Variants in PDXK observed in about 807,000 individuals in gnomAD.
The protein encoded by PDXK is pyridoxal kinase.
Under a neutral mutation model 43.2 loss-of-function variants are expected in PDXK, and 15 were observed. That is an observed-to-expected ratio of 0.35 (90% CI 0.23 to 0.53). PDXK has a LOEUF of 0.53. Among genes scored for constraint, PDXK ranks in the 20% least tolerant of loss-of-function variants. The pLI is 0.92. For missense variants in PDXK, 343 were observed against 417.0 expected, an observed-to-expected ratio of 0.82 and a Z score of 1.54; for synonymous variants, 172 against 165.4, an observed-to-expected ratio of 1.04 and a Z score of -0.31.
intron 7 of PDXK, among the ~76,000 whole-genome samples, chr21:43,752,047 C>T (rs1179866630): frequency 6.6e-6 from 1 of 152,178 alleles, no homozygotes; most frequent in Admixed American, 6.5e-5. Context: ...TCAGCTGACC[C>T]TGGAGCAGGG....
chr21:43,747,501 G>A (rs2083658986), intron 5 of PDXK, among the ~76,000 whole-genome samples: 2 of 152,210 alleles, frequency 1.3e-5, no homozygotes, highest in African/African-American at 4.8e-5. Context: ...TCTGTCACTG[G>A]GCATCTAACT....
At chr21:43,722,389 C>T (rs1376030657) in intron 1 of PDXK, among the ~76,000 whole-genome samples, 1 of 152,232 alleles carries the variant, frequency 6.6e-6, no homozygotes, top group African/African-American at 2.4e-5. Context: ...GCCCTCAGGG[C>T]AGCCTCCCAA....
Position 43,754,818 on chromosome 21 carries a change from C to T in PDXK, c.760-880C>T, listed in dbSNP as rs113535302. Among the ~76,000 whole-genome samples the T allele has an allele frequency of 4.5e-3, 689 of 152,184 alleles. 5 individuals carry two copies. The highest frequency in any genetic ancestry group is 0.016 in the African/African-American group (654 of 41,510). On this transcript the variant is annotated intron_variant, in intron 9 of 10. Transcript: ENST00000291565. The surrounding 1 kb of genome is among the most constrained non-coding windows in gnomAD (Gnocchi z 5.5). The stretch of plus-strand genomic sequence containing the variant: ...CTTTGCCGGGCCGCTTAAGGGGCCA[C>T]GTGTCCCCCGGGGTACACCTCCTCC...
Position 43,752,608 on chromosome 21 carries a change from G to A in PDXK, c.601G>A (p.Val201Met). 6.2e-7 allele frequency: 1 copy of A among 1,611,486 alleles called. No homozygotes were observed. Among genetic ancestry groups the A allele is most frequent in the Non-Finnish European group, 8.5e-7 (1 of 1,178,210 alleles). ...CCCGCAGGGCAGCAACTACCTGATT[G>A]TGCTGGGGAGTCAGAGGAGGAGTAA... is the stretch of plus-strand genomic sequence containing the variant. ...PSPQGSNYLI[V>M]LGSQRRRNPA... Residue 201 changes from valine (V) to methionine (M), a missense_variant, in exon 8 of 11, where the codon GTG (valine) becomes ATG (methionine). Physicochemically the swap from Val to Met is conservative, Grantham distance 21. Transcript: ENST00000291565.
intron 1 of PDXK, among the ~76,000 whole-genome samples, chr21:43,725,902 G>A (rs1401689177): frequency 6.6e-6 from 1 of 152,250 alleles, no homozygotes; most frequent in African/African-American, 2.4e-5. Flanking sequence ...AACTTCCTTA[G>A]AGGTGATGCT....
chr21:43,751,037 G>A (rs2083742276), intron 7 of PDXK, among the ~76,000 whole-genome samples: 1 of 152,222 alleles, frequency 6.6e-6, no homozygotes, highest in Admixed American at 6.5e-5. Flanking sequence ...GGGGGCTCCT[G>A]GGCATGTTTG....
rs914370630 is a variant in PDXK, at chr21:43,757,451, A to AC, written c.*1393dup. 1.3e-5 allele frequency: 2 copies of AC among 151,616 alleles called. No homozygotes were observed. Among genetic ancestry groups the AC allele is most frequent in the African/African-American group, 2.4e-5 (1 of 41,200 alleles). 9.4% of individuals were successfully genotyped at this position (151,616 alleles called of 1,614,324 possible). A position where few individuals can be genotyped will look rare whatever the true frequency, so the allele number is the denominator to read the frequency against. On this transcript the variant is annotated 3_prime_UTR_variant, in exon 11 of 11. Transcript: ENST00000291565. ...CCAAGAAGCGGACTCTCCAAGGGGT[A>AC]CCCCCACCCCGCTACCTTCCCCACG...
intron 1 of PDXK, among the ~76,000 whole-genome samples, chr21:43,725,048 G>T (rs1258557036): frequency 6.6e-6 from 1 of 152,148 alleles, no homozygotes; most frequent in Admixed American, 6.5e-5. Flanking sequence ...TGTTGGCTGG[G>T]TGCAGTGGCT....
At chr21:43,729,069 G>A (rs1357484398) in intron 1 of PDXK, 3 of 800,860 alleles carry the variant, frequency 3.7e-6, no homozygotes, top group Non-Finnish European at 4.2e-6. Flanking sequence ...CCCCCACCCC[G>A]CACCCGCCCG....
At chr21:43,724,463 G>A (rs34717115) in intron 1 of PDXK, among the ~76,000 whole-genome samples, 1,577 of 152,188 alleles carry the variant, frequency 0.01, 31 homozygotes, top group African/African-American at 0.036. Context: ...GAGTAACCCC[G>A]GGCTCCCAGA....
At position 43,757,022 on chromosome 21, in the gene PDXK, A is replaced by C. The variant is rs2083863376; in HGVS notation, c.*959A>C. 6.6e-6 allele frequency: 1 copy of C among 152,302 alleles called. No homozygotes were observed. Among genetic ancestry groups the C allele is most frequent in the Non-Finnish European group, 1.5e-5 (1 of 68,120 alleles). 9.4% of individuals were successfully genotyped at this position (152,302 alleles called of 1,614,324 possible). On this transcript the variant is annotated 3_prime_UTR_variant, in exon 11 of 11. Transcript: ENST00000291565. ...CCCCCTGCCCCTGCTGGCACATTTA[A>C]CCCTTGTCCCCTGACCTCAGTTCTG...
chr21:43,750,613 G>T, intron 7 of PDXK, 68 bp downstream of exon 7: 1 of 1,249,676 alleles, frequency 8.0e-7, no homozygotes, highest in Non-Finnish European at 1.2e-6. Flanking sequence ...GAGACAGGCT[G>T]CCTGAGTGGC....
Position 43,758,977 on chromosome 21 carries a change from C to T in PDXK, c.*2914C>T, listed in dbSNP as rs2083893718. 6.6e-6 allele frequency: 1 copy of T among 152,196 alleles called. No homozygotes were observed. The highest frequency in any genetic ancestry group is 2.1e-4 in the South Asian group (1 of 4,834). 9.4% of individuals were successfully genotyped at this position (152,196 alleles called of 1,614,324 possible). A position where few individuals can be genotyped will look rare whatever the true frequency, so the allele number is the denominator to read the frequency against. ...TTGTTTAATGTCCTGTTCTTAAGCTCGTTAGAGCCAGTTTTGAAACGTTTG... is the reference window on the plus strand; with the variant it reads ...TTGTTTAATGTCCTGTTCTTAAGCTTGTTAGAGCCAGTTTTGAAACGTTTG... On this transcript the variant is annotated 3_prime_UTR_variant, in exon 11 of 11. Transcript: ENST00000291565.
rs369230806 is a variant in PDXK, at chr21:43,746,403, A to G, written c.378+278A>G. On this transcript the variant is annotated intron_variant, in intron 5 of 10. Coordinates refer to ENST00000291565, the MANE Select transcript of PDXK (RefSeq NM_003681.5). ...AGCCACAGATAAGAGGTGTACAAAC[A>G]TGATGACTTCTTTTCTTTTCTTTCT... Among the ~76,000 whole-genome samples, 16 of 152,164 alleles carry G rather than the reference A, an allele frequency of 1.1e-4. No homozygotes were observed. The East Asian group carries it at 1.5e-3, about 15-fold the overall frequency.
rs976339736 is a variant in PDXK, at chr21:43,734,032, C to G, written c.88-37C>G. The G allele has an allele frequency of 1.2e-6, 2 of 1,607,112 alleles. No homozygotes were observed. Among genetic ancestry groups the G allele is most frequent in the Admixed American group, 3.3e-5 (2 of 60,018 alleles). On this transcript the variant is annotated intron_variant, in intron 1 of 10. Transcript: ENST00000291565. The surrounding 1 kb of genome is among the most constrained non-coding windows in gnomAD (Gnocchi z 5.0). Reference sequence around the variant, plus strand: ...GGGGTTCGTGGGACCCCAGACCTGGCTCTCTTACGCCTACCTGTTCCTTCT... The same window carrying G: ...GGGGTTCGTGGGACCCCAGACCTGGGTCTCTTACGCCTACCTGTTCCTTCT...
At chr21:43,739,882 C>G (rs1432400805) in intron 2 of PDXK, among the ~76,000 whole-genome samples, 2 of 151,936 alleles carry the variant, frequency 1.3e-5, no homozygotes, top group South Asian at 2.1e-4. Flanking sequence ...GCTCACCTCC[C>G]TCCTCCTACC....
intron 7 of PDXK, 34 bp downstream of exon 7, chr21:43,750,579 A>G (rs2083718608): frequency 3.2e-6 from 5 of 1,577,656 alleles, no homozygotes; most frequent in Non-Finnish European, 4.3e-6. Flanking sequence ...TGCGGGGCAC[A>G]TGTGCCGCTC....
chr21:43,743,210 C>T (rs1429772967), intron 3 of PDXK, among the ~76,000 whole-genome samples: 1 of 98,480 alleles, frequency 1.0e-5, no homozygotes, highest in African/African-American at 3.8e-5. Context: ...CCACCTCCCT[C>T]CCCCCGCCCC....
At chr21:43,740,879 C>T (rs2083488059) in intron 2 of PDXK, 1 of 151,304 alleles carries the variant, frequency 6.6e-6, no homozygotes, top group Admixed American at 6.6e-5. Flanking sequence ...GCCCTACCTG[C>T]CAGGGTATCC....
Sources: gnomAD v4.1 joint callset for allele counts (sites outside exome capture counted in the v4.1 genomes callset) on GRCh38, gnomAD v4.1.1 for gene constraint, Gnocchi (gnomAD v3.1) non-coding constraint, MANE v1.5 for transcripts, NCBI Gene and HGNC (gene_info 2026-07-23, HGNC 2026-07-21) for gene names.